The following LIFR variants were observed in gnomAD, a reference collection of about 807,000 sequenced individuals.
LIFR encodes leukemia inhibitory factor receptor.
In LIFR, 84 loss-of-function variants were observed where a neutral mutation model predicts 122.2. The observed-to-expected ratio is 0.69, with a 90% confidence interval of 0.58 to 0.82. The LOEUF is 0.82. LIFR is among the 40% of genes least tolerant of loss of function. LIFR has a pLI of 0.00. For synonymous variants in LIFR, 422 were observed against 434.7 expected (o/e 0.97, Z 0.36); for missense variants, 1,294 against 1,311.6 (o/e 0.99, Z 0.21).
chr5:38,486,901 T>C (rs1397756578), intron 16 of LIFR, among the ~76,000 whole-genome samples: 1 of 152,262 alleles, frequency 6.6e-6, no homozygotes, highest in African/African-American at 2.4e-5. Flanking sequence ...TATGAGTTAC[T>C]GCTAAGACAC....
Position 38,517,856 on chromosome 5 carries a change from C to CAAAAAAAAAAAAAAAAAAAA in LIFR, c.561+5543_561+5562dup, listed in dbSNP as rs572954936. Among the ~76,000 whole-genome samples the CAAAAAAAAAAAAAAAAAAAA allele has an allele frequency of 2.1e-3, 32 of 15,040 alleles. 3 individuals carry two copies. Among genetic ancestry groups the CAAAAAAAAAAAAAAAAAAAA allele is most frequent in the East Asian group, 5.1e-3 (1 of 196 alleles). 9.9% of individuals were successfully genotyped at this position (15,040 alleles called of 152,430 possible). On this transcript the variant is annotated intron_variant, in intron 5 of 19. Coordinates refer to ENST00000453190, the MANE Select transcript of LIFR (RefSeq NM_001127671.2). ...TGTGCAACAGAGCAAGACACTGTCT[C>CAAAAAAAAAAAAAAAAAAAA]AAAAAAAAAAAAAAAAAAAAAAAAA...
intron 9 of LIFR, among the ~76,000 whole-genome samples, chr5:38,505,664 A>G (rs1198513763): frequency 1.3e-5 from 2 of 152,206 alleles, no homozygotes; most frequent in African/African-American, 4.8e-5. Flanking sequence ...TGGGCAGAAG[A>G]TATTTCAGAA....
At chr5:38,550,814 A>T (rs1748161502) in intron 1 of LIFR, among the ~76,000 whole-genome samples, 1 of 151,958 alleles carries the variant, frequency 6.6e-6, no homozygotes, top group Non-Finnish European at 1.5e-5. Context: ...GCCAATCAGG[A>T]CTCCTGGATT....
At chr5:38,544,228 G>C (rs556209163) in intron 1 of LIFR, among the ~76,000 whole-genome samples, 4 of 151,926 alleles carry the variant, frequency 2.6e-5, no homozygotes, top group Non-Finnish European at 4.4e-5. Flanking sequence ...AATCCACTCC[G>C]CACAAAGCAG....
In LIFR at chr5:38,482,023, C is replaced by T. The variant is rs765949187; in HGVS notation, c.2866G>A (p.Glu956Lys). Residue 956 changes from glutamate to lysine, a missense_variant, in exon 20 of 20, where the codon GAA (glutamate) becomes AAA (lysine). Glu to Lys is a moderately conservative substitution (Grantham distance 56). Transcript: ENST00000453190. ...TCTGCGGCTGGGTTTGGTATTTCTT[C>T]CTCAATGATGGGTGGACAATAGGAC... ...VVSYCPPIIE[E>K]EIPNPAADEA... 2 of 1,613,926 alleles carry T rather than the reference C, an allele frequency of 1.2e-6. No homozygotes were observed. Among genetic ancestry groups the T allele is most frequent in the Admixed American group, 1.7e-5 (1 of 59,994 alleles).
rs1175552558 is a variant in LIFR at position 38,523,509 on chromosome 5, C to A, written c.471G>T (p.Trp157Cys). 1 of 1,613,184 alleles carries A rather than the reference C, an allele frequency of 6.2e-7. No homozygotes were observed. The change falls in exon 5 of 20, where the codon TGG (tryptophan) becomes TGT (cysteine). Residue 157 changes from tryptophan to cysteine, a missense_variant. Coordinates refer to ENST00000453190, the MANE Select transcript of LIFR (RefSeq NM_001127671.2). The stretch of plus-strand genomic sequence containing the variant: ...GTGGAAAAACTGAACCCCTGTCGTT[C>A]CACTTTAGGTATAATGTAGAGGTTG... ...DFSTSTLYLKWNDRGSVFPHR... is the reference protein window; with the variant it reads ...DFSTSTLYLKCNDRGSVFPHR...
intron 4 of LIFR, among the ~76,000 whole-genome samples, chr5:38,526,451 A>G (rs566149674): frequency 0.053 from 7,989 of 151,844 alleles, 246 homozygotes; most frequent in Middle Eastern, 0.099. Context: ...GTATATATAT[A>G]TATATAAAAT....
At chr5:38,557,888 C>A (rs1748668980), upstream of LIFR, 1 of 152,126 alleles carries the variant, frequency 6.6e-6, no homozygotes, top group East Asian at 1.9e-4. Flanking sequence ...ACCCCTAAGA[C>A]CTTGTTTGGA....
Position 38,496,559 on chromosome 5 carries a change from A to G in LIFR, c.1708T>C (p.Ser570Pro). ...TCTGATGAACACGATACATTGTAGG[A>G]AAGTATTTTTCCATTAGCTTCATTA... ...PINEANGKIL[S>P]YNVSCSSDEE... Residue 570 changes from serine to proline, a missense_variant, in exon 13 of 20, where the codon TCC becomes CCC. Physicochemically the swap from Ser to Pro is moderately conservative, Grantham distance 74. Transcript: ENST00000453190. 6.2e-7 allele frequency: 1 copy of G among 1,613,898 alleles called. No homozygotes were observed. The highest frequency in any genetic ancestry group is 1.1e-5 in the South Asian group (1 of 91,080).
At chr5:38,539,138 T>G (rs1017492171) in intron 1 of LIFR, among the ~76,000 whole-genome samples, 3 of 151,968 alleles carry the variant, frequency 2.0e-5, no homozygotes, top group Non-Finnish European at 4.4e-5. Context: ...TTTTTTGTAT[T>G]TTTTAGGAGA....
At chr5:38,507,547 G>C (rs1425475773) in intron 7 of LIFR, among the ~76,000 whole-genome samples, 1 of 122,388 alleles carries the variant, frequency 8.2e-6, no homozygotes, top group Non-Finnish European at 1.6e-5. Flanking sequence ...CTGGGCGACA[G>C]AGCGATACTC....
intron 14 of LIFR, chr5:38,490,600 ATTT>A (rs758871475): frequency 9.7e-5 from 15 of 153,866 alleles, no homozygotes; most frequent in East Asian, 3.8e-4. Context: ...TCATTGCTTG[ATTT>A]TTTTTTTTTT....
chr5:38,549,345 G>A (rs1459095849), intron 1 of LIFR, among the ~76,000 whole-genome samples: 1 of 151,708 alleles, frequency 6.6e-6, no homozygotes, highest in Non-Finnish European at 1.5e-5. Flanking sequence ...TGCTTTTTCA[G>A]TTTACAAATA....
Position 38,490,287 on chromosome 5 carries a change from C to A in LIFR, c.2070G>T (p.Glu690Asp). Residue 690 changes from glutamate (E) to aspartate (D), a missense_variant, in exon 15 of 20, where the codon GAG (glutamate) becomes GAT (aspartate). Transcript: ENST00000453190. ...NSTETVIESD[E>D]FRPGIRYNFF... The stretch of plus-strand genomic sequence containing the variant: ...AATTATATCTTATACCTGGTCGAAA[C>A]TCATCTATAGGATGAACATATCAGC... The A allele has an allele frequency of 7.0e-7, 1 of 1,435,994 alleles. No homozygotes were observed. Among genetic ancestry groups the A allele is most frequent in the Non-Finnish European group, 9.8e-7 (1 of 1,021,336 alleles). 89.0% of individuals were successfully genotyped at this position (1,435,994 alleles called of 1,614,324 possible).
In LIFR at chr5:38,527,153, A is replaced by G; in HGVS notation, c.397+2T>C. 3 of 1,590,020 alleles carry G rather than the reference A, an allele frequency of 1.9e-6. No homozygotes were observed. Among genetic ancestry groups the G allele is most frequent in the Non-Finnish European group, 2.6e-6 (3 of 1,161,200 alleles). ...AAATTGAGTTTGTTTTCAAATACTT[A>G]CAAACGTTTTGTTCATTTAGTGTGA... On this transcript the variant is annotated splice_donor_variant, in intron 4 of 19. Coordinates refer to ENST00000453190, the MANE Select transcript of LIFR (RefSeq NM_001127671.2). LOFTEE classifies it high-confidence loss of function.
At chr5:38,514,988 A>G (rs1055337763) in intron 5 of LIFR, among the ~76,000 whole-genome samples, 2 of 152,196 alleles carry the variant, frequency 1.3e-5, no homozygotes, top group African/African-American at 4.8e-5. Context: ...AAATGCTTCC[A>G]CAAAAATGAG....
rs1745856771 is a variant in LIFR at position 38,512,556 on chromosome 5, A to G, written c.562-592T>C. Among the ~76,000 whole-genome samples the G allele has an allele frequency of 2.6e-5, 4 of 152,232 alleles. No individual in the cohort carries two copies. The South Asian group carries it at 6.2e-4, about 24-fold the overall frequency. ...TCAGGAGGCTGAGGTGGGAGGGTCT[A>G]TTGAGCCTGGAAAGTCAAGGCTGCA... is the stretch of plus-strand genomic sequence containing the variant. On this transcript the variant is annotated intron_variant, in intron 5 of 19. Coordinates refer to ENST00000453190, the MANE Select transcript of LIFR (RefSeq NM_001127671.2).
intron 7 of LIFR, among the ~76,000 whole-genome samples, chr5:38,508,701 C>T (rs892582061): frequency 7.2e-5 from 11 of 151,954 alleles, no homozygotes; most frequent in South Asian, 2.1e-4. Context: ...CTCAGCTTCC[C>T]GAGTAGCTGA....
At chr5:38,589,371 T>C (rs1294237447) in intron 1 of LIFR, among the ~76,000 whole-genome samples, 1 of 152,212 alleles carries the variant, frequency 6.6e-6, no homozygotes, top group Non-Finnish European at 1.5e-5. Flanking sequence ...GCTTATGTTA[T>C]ACTTTAGAGG....
Sources: gnomAD v4.1 joint callset for allele counts (sites outside exome capture counted in the v4.1 genomes callset) on GRCh38, gnomAD v4.1.1 for gene constraint, MANE v1.5 for transcripts, NCBI Gene and HGNC (gene_info 2026-07-23, HGNC 2026-07-21) for gene names.